Variants in TTC6 observed in about 807,000 individuals in gnomAD.
TTC6 encodes tetratricopeptide repeat protein 6.
TTC6 carries 172 observed loss-of-function variants against 210.4 expected under a neutral mutation model. That is an observed-to-expected ratio of 0.82 (90% CI 0.72 to 0.93). TTC6 has a LOEUF of 0.93. Among genes scored for constraint, TTC6 ranks in the 40% least tolerant of loss-of-function variants. The probability of loss-of-function intolerance (pLI) is 0.00; values close to 1 mark genes in which losing one functional copy is unlikely to be tolerated. For missense variants in TTC6, 2,414 were observed against 2,318.1 expected, an observed-to-expected ratio of 1.04 and a Z score of -0.85; for synonymous variants, 804 against 819.6, an observed-to-expected ratio of 0.98 and a Z score of 0.32.
chr14:37,743,736 C>G (rs182064321), intron 10 of TTC6, among the ~76,000 whole-genome samples: 1 of 152,164 alleles, frequency 6.6e-6, no homozygotes, highest in East Asian at 1.9e-4. Context: ...GTTTAGAGGA[C>G]CCCTCATTCA....
chr14:37,622,673 G>T (rs770612942), exon 1 of TTC6: 3 of 1,535,158 alleles, frequency 2.0e-6, no homozygotes, highest in Non-Finnish European at 2.6e-6. Context: ...CCAAAGAGAG[G>T]AAGGCCAGCT....
intron 14 of TTC6, among the ~76,000 whole-genome samples, chr14:37,760,500 G>A (rs149529718): frequency 0.034 from 5,164 of 152,312 alleles, 126 homozygotes; most frequent in South Asian, 0.086. Context: ...TGAGGAGGCA[G>A]TCTGTCCCTT....
At chr14:37,823,350 A>C (rs1384427855) in intron 26 of TTC6, among the ~76,000 whole-genome samples, 2 of 152,208 alleles carry the variant, frequency 1.3e-5, no homozygotes, top group Non-Finnish European at 2.9e-5. Context: ...TATTAAATAC[A>C]TATAAATAAG....
chr14:37,770,882 C>T, intron 14 of TTC6, among the ~76,000 whole-genome samples: 1 of 149,526 alleles, frequency 6.7e-6, no homozygotes, highest in East Asian at 2.0e-4. Flanking sequence ...TTAGTTGATG[C>T]AGTTTCTTCC....
At chr14:37,629,326 C>T (rs868516360) in intron 1 of TTC6, among the ~76,000 whole-genome samples, 116 of 152,190 alleles carry the variant, frequency 7.6e-4, no homozygotes, top group African/African-American at 2.6e-3. Flanking sequence ...CTTTACATCC[C>T]TTCTAAGTTG....
At chr14:37,821,492 T>C (rs1344180054) in intron 26 of TTC6, among the ~76,000 whole-genome samples, 1 of 152,206 alleles carries the variant, frequency 6.6e-6, no homozygotes, top group East Asian at 1.9e-4. Flanking sequence ...GATTCCCATA[T>C]GTGGATGTTA....
chr14:37,804,633 T>C (rs1209569102), intron 20 of TTC6, 47 bp from the exon 23 acceptor site: 3 of 1,594,292 alleles, frequency 1.9e-6, no homozygotes, highest in African/African-American at 2.7e-5. Context: ...AAATCAATAG[T>C]GGAAAGAAAC....
At chr14:37,837,061 G>A (rs11845151) in intron 29 of TTC6, among the ~76,000 whole-genome samples, 9,282 of 152,226 alleles carry the variant, frequency 0.061, 830 homozygotes, top group African/African-American at 0.2. Context: ...ACCATCTGTT[G>A]TGGTAGATAC....
At chr14:37,793,618 A>G (rs962208833) in intron 17 of TTC6, among the ~76,000 whole-genome samples, 17 of 152,282 alleles carry the variant, frequency 1.1e-4, no homozygotes, top group African/African-American at 4.1e-4. Flanking sequence ...CAATACTCAT[A>G]GTGTGTGGTT....
At chr14:37,660,400 G>A (rs2095734925) in intron 1 of TTC6, among the ~76,000 whole-genome samples, 1 of 152,078 alleles carries the variant, frequency 6.6e-6, no homozygotes, top group Admixed American at 6.6e-5. Flanking sequence ...CCCCTGGACA[G>A]GCCCCAGTGT....
chr14:37,647,918 C>T (rs2095704514), intron 1 of TTC6, among the ~76,000 whole-genome samples: 1 of 152,012 alleles, frequency 6.6e-6, no homozygotes, highest in Admixed American at 6.6e-5. Context: ...AAAAACATTT[C>T]AAGAAGGATG....
chr14:37,643,288 A>T (rs2095695603), intron 1 of TTC6, among the ~76,000 whole-genome samples: 1 of 152,202 alleles, frequency 6.6e-6, no homozygotes. Flanking sequence ...AGCCTGGGTG[A>T]CACAGTAAGA....
chr14:37,737,616 A>G (rs1188841391), intron 8 of TTC6, 44 bp from the exon 11 acceptor site: 9 of 1,121,778 alleles, frequency 8.0e-6, no homozygotes, highest in Non-Finnish European at 1.1e-5. Flanking sequence ...CTTATCAGAT[A>G]GTATCTGTGA....
chr14:37,632,265 G>T (rs2042127312), intron 1 of TTC6, among the ~76,000 whole-genome samples: 1 of 152,138 alleles, frequency 6.6e-6, no homozygotes, highest in African/African-American at 2.4e-5. Flanking sequence ...TCTACCTTTG[G>T]TCTTTGACAT....
At chr14:37,791,168 C>G (rs1184643079) in intron 16 of TTC6, among the ~76,000 whole-genome samples, 1 of 152,090 alleles carries the variant, frequency 6.6e-6, no homozygotes, top group Non-Finnish European at 1.5e-5. Flanking sequence ...TCATGGAAAA[C>G]TGTCATTAAG....
intron 6 of TTC6, among the ~76,000 whole-genome samples, chr14:37,715,894 T>C (rs2095851858): frequency 6.6e-6 from 1 of 152,148 alleles, no homozygotes; most frequent in Non-Finnish European, 1.5e-5. Flanking sequence ...TCCAGGAATA[T>C]GTAGAAGGAA....
At chr14:37,669,918 C>G (rs1191080499) in intron 1 of TTC6, among the ~76,000 whole-genome samples, 2 of 152,028 alleles carry the variant, frequency 1.3e-5, no homozygotes, top group African/African-American at 4.8e-5. Context: ...AGAGAATATT[C>G]TTATGGATTC....
intron 14 of TTC6, 89 bp from the exon 17 acceptor site, chr14:37,787,379 A>T: frequency 1.1e-6 from 1 of 925,642 alleles, no homozygotes; most frequent in Non-Finnish European, 1.5e-6. Context: ...ACAAATTGTT[A>T]TTCAAATATA....
chr14:37,737,555 A>C (rs2138932556), intron 8 of TTC6, 105 bp from the exon 11 acceptor site: 1 of 543,098 alleles, frequency 1.8e-6, no homozygotes, highest in East Asian at 3.3e-5. Context: ...AGTATTTCTG[A>C]ATTTCATTAA....
Sources: allele counts gnomAD v4.1 joint callset (sites outside exome capture counted in the v4.1 genomes callset), GRCh38; gene constraint gnomAD v4.1.1; transcripts MANE v1.5; gene names NCBI Gene and HGNC (gene_info 2026-07-23, HGNC 2026-07-21).